Variants in CA10 observed in about 807,000 individuals in gnomAD.
CA10 encodes carbonic anhydrase-related protein 10.
A neutral mutation model predicts 44.2 loss-of-function variants in CA10; 14 were observed. That is an observed-to-expected ratio of 0.32 (90% confidence interval 0.21 to 0.50). The LOEUF (loss-of-function observed/expected upper bound fraction) is 0.50, where lower values mean the gene tolerates loss of function less well. Among genes scored for constraint, CA10 ranks in the 20% least tolerant of loss-of-function variants. The pLI, the probability that CA10 is intolerant of heterozygous loss-of-function variation, is 0.99. For synonymous variants in CA10, 159 were observed against 141.6 expected (o/e 1.12, Z -0.87); for missense variants, 350 against 409.7 (o/e 0.85, Z 1.26).
chr17:51,802,085 G>A (rs1399781614), intron 3 of CA10, among the ~76,000 whole-genome samples: 1 of 152,188 alleles, frequency 6.6e-6, no homozygotes, highest in African/African-American at 2.4e-5. Flanking sequence ...GGCATACCCT[G>A]TGAATGATTC....
Position 51,877,893 on chromosome 17 carries a change from C to T in CA10, c.279+53097G>A, listed in dbSNP as rs138414020. 3.8e-3 allele frequency among the ~76,000 whole-genome samples: 576 copies of T among 151,794 alleles called. 3 individuals carry two copies. The highest frequency in any genetic ancestry group is 0.011 in the African/African-American group (462 of 41,380). On this transcript the variant is annotated intron_variant, in intron 3 of 8. Transcript: ENST00000451037. ...GGTGTGGTGACTCACACCTGTAATC[C>T]CAGCACTTTGGGAGGCCGAGGCAGA...
At chr17:51,715,663 A>G (rs8064922) in intron 4 of CA10, among the ~76,000 whole-genome samples, 8,878 of 152,052 alleles carry the variant, frequency 0.058, 829 homozygotes, top group African/African-American at 0.2. Flanking sequence ...CAGTCATCCT[A>G]TTGTGTGATC....
At chr17:52,073,005 A>G (rs1987726092) in intron 1 of CA10, among the ~76,000 whole-genome samples, 1 of 152,178 alleles carries the variant, frequency 6.6e-6, no homozygotes, top group African/African-American at 2.4e-5. Flanking sequence ...GACCTCAGGG[A>G]AACCCTTGAA....
intron 3 of CA10, chr17:51,748,287 G>T: frequency 6.2e-6 from 1 of 161,056 alleles, no homozygotes; most frequent in Non-Finnish European, 1.3e-5. Context: ...GAAAGCCTAG[G>T]TCTGAATTCT....
chr17:52,093,377 C>T (rs1427687607), intron 1 of CA10, among the ~76,000 whole-genome samples: 1 of 152,182 alleles, frequency 6.6e-6, no homozygotes, highest in Admixed American at 6.5e-5. Flanking sequence ...TCATAGACCT[C>T]ATCTGAGGTT....
chr17:52,116,801 C>T (rs1988907622), intron 1 of CA10, among the ~76,000 whole-genome samples: 1 of 152,122 alleles, frequency 6.6e-6, no homozygotes, highest in South Asian at 2.1e-4. Context: ...TTCCCTCTCC[C>T]TGTGCACACC....
intron 2 of CA10, among the ~76,000 whole-genome samples, chr17:51,966,346 C>G (rs916307161): frequency 2.0e-5 from 3 of 151,548 alleles, no homozygotes; most frequent in Non-Finnish European, 4.4e-5. Context: ...TTCACAGAAC[C>G]AGAAAAAACA....
Position 51,894,806 on chromosome 17 carries a change from C to T in CA10, c.279+36184G>A, listed in dbSNP as rs190599664. 9.9e-4 allele frequency among the ~76,000 whole-genome samples: 150 copies of T among 152,090 alleles called. 1 individual carries two copies. The highest frequency in any genetic ancestry group is 3.5e-3 in the African/African-American group (146 of 41,506). ...AACTAATACACATGGAGAACAGACT[C>T]AATAGACCCAATAACTCTGTAGTGA... On this transcript the variant is annotated intron_variant, in intron 3 of 8. Coordinates refer to ENST00000451037, the MANE Select transcript of CA10 (RefSeq NM_020178.5).
At chr17:51,759,103 A>C (rs185781219) in intron 3 of CA10, among the ~76,000 whole-genome samples, 183 of 152,298 alleles carry the variant, frequency 1.2e-3, no homozygotes, top group Middle Eastern at 3.4e-3. Context: ...TAGCATGTGG[A>C]GAGCCTGGAG....
At chr17:51,766,402 G>C (rs1905383711) in intron 3 of CA10, among the ~76,000 whole-genome samples, 1 of 152,148 alleles carries the variant, frequency 6.6e-6, no homozygotes, top group Non-Finnish European at 1.5e-5. Context: ...GGGAAATACT[G>C]GTTTCACTAG....
intron 3 of CA10, among the ~76,000 whole-genome samples, chr17:51,818,460 C>G (rs1193258243): frequency 6.6e-6 from 1 of 152,086 alleles, no homozygotes; most frequent in African/African-American, 2.4e-5. Flanking sequence ...CTTTCTAAAC[C>G]AACCCTTCTT....
intron 2 of CA10, among the ~76,000 whole-genome samples, chr17:51,956,010 T>A (rs1983653379): frequency 6.6e-6 from 1 of 152,104 alleles, no homozygotes; most frequent in Admixed American, 6.6e-5. Context: ...CTGGACTAAT[T>A]TTAGATTTCC....
At chr17:51,878,732 A>T (rs1158505685) in intron 3 of CA10, among the ~76,000 whole-genome samples, 1 of 150,504 alleles carries the variant, frequency 6.6e-6, no homozygotes, top group East Asian at 2.0e-4. Flanking sequence ...TTTAATACAT[A>T]ATATGAGCCA....
chr17:51,981,810 G>A (rs994603515), intron 2 of CA10, among the ~76,000 whole-genome samples: 1 of 152,038 alleles, frequency 6.6e-6, no homozygotes, highest in African/African-American at 2.4e-5. Context: ...AGCAGATTTT[G>A]ACAGTACTGA....
intron 4 of CA10, among the ~76,000 whole-genome samples, chr17:51,692,411 CTATCT>C (rs1380955545): frequency 1.6e-5 from 2 of 125,062 alleles, no homozygotes; most frequent in Non-Finnish European, 3.7e-5. Flanking sequence ...ATCTATCTAT[CTATCT>C]ATCTATCTAT....
At chr17:51,639,703 G>T (rs1398081891) in intron 6 of CA10, among the ~76,000 whole-genome samples, 1 of 152,122 alleles carries the variant, frequency 6.6e-6, no homozygotes, top group Admixed American at 6.5e-5. Flanking sequence ...TCTACCTTTT[G>T]CCCTTTTTAT....
intron 3 of CA10, among the ~76,000 whole-genome samples, chr17:51,765,121 T>C (rs1905324835): frequency 1.3e-5 from 2 of 152,170 alleles, no homozygotes; most frequent in African/African-American, 2.4e-5. Context: ...TGGTATCTGG[T>C]TGCAATAAAG....
At chr17:51,861,278 C>T (rs888197861) in intron 3 of CA10, among the ~76,000 whole-genome samples, 1 of 152,130 alleles carries the variant, frequency 6.6e-6, no homozygotes, top group African/African-American at 2.4e-5. Context: ...GTTCCTCCCT[C>T]TAACAGAAAT....
intron 4 of CA10, among the ~76,000 whole-genome samples, chr17:51,737,773 C>G (rs932408790): frequency 2.0e-5 from 3 of 152,160 alleles, no homozygotes; most frequent in Admixed American, 6.5e-5. Flanking sequence ...CTACAGCCCC[C>G]CTTCCAGGCC....
Sources: allele counts gnomAD v4.1 joint callset (sites outside exome capture counted in the v4.1 genomes callset), GRCh38; gene constraint gnomAD v4.1.1; transcripts MANE v1.5; gene names NCBI Gene and HGNC (gene_info 2026-07-23, HGNC 2026-07-21).